Variants in FAR2 observed in about 807,000 individuals in gnomAD.
FAR2 encodes epididymis secretory protein Li 81.
A neutral mutation model predicts 56.0 loss-of-function variants in FAR2; 19 were observed. The observed-to-expected ratio is 0.34, with a 90% CI of 0.24 to 0.50. The LOEUF (loss-of-function observed/expected upper bound fraction) is 0.50, where lower values mean the gene tolerates loss of function less well. Among genes scored for constraint, FAR2 ranks in the 20% least tolerant of loss-of-function variants. The pLI is 0.98. For synonymous variants in FAR2, 219 were observed against 218.8 expected (o/e 1.00, Z -0.01); for missense variants, 508 against 642.2 (o/e 0.79, Z 2.26).
At chr12:29,258,525 A>G (rs1948365094) in intron 1 of FAR2, among the ~76,000 whole-genome samples, 1 of 152,210 alleles carries the variant, frequency 6.6e-6, no homozygotes, top group Non-Finnish European at 1.5e-5. Flanking sequence ...ACTTCCATTT[A>G]CTGATTTTCA....
intron 1 of FAR2, among the ~76,000 whole-genome samples, chr12:29,241,697 A>C (rs779451658): frequency 6.6e-6 from 1 of 152,334 alleles, no homozygotes; most frequent in South Asian, 2.1e-4. Context: ...TCAATATTTG[A>C]AATAAAAAGC....
chr12:29,195,728 G>A (rs983392116), intron 1 of FAR2, among the ~76,000 whole-genome samples: 1 of 151,962 alleles, frequency 6.6e-6, no homozygotes, highest in Non-Finnish European at 1.5e-5. Flanking sequence ...TATATTTAAG[G>A]AGTGCCAGTG....
intron 4 of FAR2, among the ~76,000 whole-genome samples, chr12:29,298,000 C>T (rs1348514000): frequency 6.8e-6 from 1 of 147,462 alleles, no homozygotes; most frequent in Non-Finnish European, 1.5e-5. Context: ...TGTGCCGTTG[C>T]ACTCCAGCCT....
chr12:29,240,525 T>TC (rs1277693760), intron 1 of FAR2, among the ~76,000 whole-genome samples: 11 of 151,202 alleles, frequency 7.3e-5, no homozygotes. Flanking sequence ...TGGGTTGTTT[T>TC]TTTTTTAATT....
intron 1 of FAR2, among the ~76,000 whole-genome samples, chr12:29,244,430 G>C (rs1948091724): frequency 6.6e-6 from 1 of 152,130 alleles, no homozygotes; most frequent in Non-Finnish European, 1.5e-5. Context: ...CAAGCCAGTT[G>C]GTTCACACAA....
chr12:29,197,494 TA>T (rs1038746173), intron 1 of FAR2, among the ~76,000 whole-genome samples: 3 of 152,190 alleles, frequency 2.0e-5, no homozygotes, highest in Non-Finnish European at 4.4e-5. Context: ...CAACTTATGA[TA>T]GGGGTATTAA....
chr12:29,256,897 C>A (rs1948327712), intron 1 of FAR2, among the ~76,000 whole-genome samples: 1 of 152,252 alleles, frequency 6.6e-6, no homozygotes, highest in Non-Finnish European at 1.5e-5. Flanking sequence ...GGCTCGGGAC[C>A]TGCAGCCTGC....
chr12:29,186,211 T>G (rs931167704), intron 1 of FAR2, among the ~76,000 whole-genome samples: 1 of 152,248 alleles, frequency 6.6e-6, no homozygotes, highest in African/African-American at 2.4e-5. Flanking sequence ...ATATTTATAC[T>G]TAACAGTACA....
At chr12:29,290,800 A>G (rs533732122) in intron 2 of FAR2, among the ~76,000 whole-genome samples, 8 of 152,328 alleles carry the variant, frequency 5.3e-5, no homozygotes, top group African/African-American at 1.7e-4. Flanking sequence ...TACAAAAATC[A>G]AAACAATTGA....
chr12:29,199,929 C>T (rs1237311505), intron 1 of FAR2, among the ~76,000 whole-genome samples: 1 of 152,006 alleles, frequency 6.6e-6, no homozygotes, highest in Admixed American at 6.6e-5. Context: ...TTGGTAGTGC[C>T]ACTGAGACAT....
intron 2 of FAR2, among the ~76,000 whole-genome samples, chr12:29,276,968 T>G (rs1325356589): frequency 6.6e-6 from 1 of 151,446 alleles, no homozygotes; most frequent in Admixed American, 6.6e-5. Context: ...ATAAAATACG[T>G]TTTTTATAAA....
intron 10 of FAR2, among the ~76,000 whole-genome samples, chr12:29,324,974 G>C (rs1362003674): frequency 2.7e-5 from 4 of 147,838 alleles, no homozygotes; most frequent in Non-Finnish European, 6.0e-5. Flanking sequence ...AAAGAGTCAA[G>C]AACCATCAGT....
chr12:29,180,721 TTATCTATCTATCTATCTATC>T (rs59448421), intron 1 of FAR2, among the ~76,000 whole-genome samples: 11 of 146,478 alleles, frequency 7.5e-5, no homozygotes, highest in Non-Finnish European at 1.2e-4. Flanking sequence ...TATTCATTGT[TTATCTATCTATCTATCTATC>T]TATCTATCTA....
chr12:29,295,607 C>T (rs1949051859), intron 3 of FAR2, among the ~76,000 whole-genome samples: 1 of 151,562 alleles, frequency 6.6e-6, no homozygotes. Context: ...ATATGTTTTC[C>T]CATTTTATTC....
At chr12:29,198,962 C>A (rs1947370030) in intron 1 of FAR2, among the ~76,000 whole-genome samples, 2 of 152,104 alleles carry the variant, frequency 1.3e-5, no homozygotes, top group Non-Finnish European at 2.9e-5. Context: ...GGCAGAGATA[C>A]AAAGATAAAA....
intron 3 of FAR2, among the ~76,000 whole-genome samples, chr12:29,294,350 A>T (rs1591938218): frequency 6.7e-6 from 1 of 148,584 alleles, no homozygotes; most frequent in Non-Finnish European, 1.5e-5. Flanking sequence ...GTAATTCTTA[A>T]TTTTTTTTTT....
rs79805544 is a variant in FAR2 at position 29,294,099 on chromosome 12, A to G, written c.365+624A>G. ...ACTTACACTGTCTCTGTGCACATGA[A>G]TGCTCATTTTTACAGTCACAAAATA... On this transcript the variant is annotated intron_variant, in intron 3 of 11. Coordinates refer to ENST00000536681, the MANE Select transcript of FAR2 (RefSeq NM_001271783.2). Among the ~76,000 whole-genome samples, 723 of 152,290 alleles carry G rather than the reference A, an allele frequency of 4.7e-3. 26 individuals carry two copies. In the East Asian group the frequency reaches 0.072, roughly 15 times the overall value.
chr12:29,319,822 T>C (rs1233764404), intron 9 of FAR2, among the ~76,000 whole-genome samples: 1 of 152,214 alleles, frequency 6.6e-6, no homozygotes, highest in Non-Finnish European at 1.5e-5. Context: ...TAATAATCCC[T>C]ATTAATACTA....
intron 1 of FAR2, among the ~76,000 whole-genome samples, chr12:29,204,571 C>T (rs975992153): frequency 3.3e-5 from 5 of 152,142 alleles, no homozygotes; most frequent in Admixed American, 6.5e-5. Context: ...AGATTGGGCT[C>T]CATCTTAGTC....
Sources: gnomAD v4.1 joint callset for allele counts (sites outside exome capture counted in the v4.1 genomes callset) on GRCh38, gnomAD v4.1.1 for gene constraint, MANE v1.5 for transcripts, NCBI Gene and HGNC (gene_info 2026-07-23, HGNC 2026-07-21) for gene names.